Variants in PCDHA11 observed in about 807,000 individuals in gnomAD.
The protein encoded by PCDHA11 is protocadherin alpha 11.
A neutral mutation model predicts 70.3 loss-of-function variants in PCDHA11; 61 were observed. The observed-to-expected ratio is 0.87, with a 90% CI of 0.71 to 1.07. The LOEUF (loss-of-function observed/expected upper bound fraction) is 1.07, where lower values mean the gene tolerates loss of function less well. PCDHA11 is among the 50% of genes least tolerant of loss of function. The probability of loss-of-function intolerance (pLI) is 0.00; values close to 1 mark genes in which losing one functional copy is unlikely to be tolerated. For missense variants in PCDHA11, 1,324 were observed against 1,237.5 expected, an observed-to-expected ratio of 1.07 and a Z score of -1.05; for synonymous variants, 633 against 555.1, an observed-to-expected ratio of 1.14 and a Z score of -1.97.
intron 1 of PCDHA11, chr5:140,877,601 T>A (rs2057236715): frequency 6.2e-7 from 1 of 1,613,744 alleles, no homozygotes; most frequent in Non-Finnish European, 8.5e-7. Flanking sequence ...GTGTCCAGCC[T>A]GCTGGTGCTC....
chr5:140,972,660 ATTTT>A (rs11350929), intron 1 of PCDHA11, among the ~76,000 whole-genome samples: 1 of 117,264 alleles, frequency 8.5e-6, no homozygotes. Flanking sequence ...AAGAAACCAA[ATTTT>A]TTTTTTTTTT....
chr5:140,877,193 G>T, intron 1 of PCDHA11: 1 of 1,613,832 alleles, frequency 6.2e-7, no homozygotes, highest in Non-Finnish European at 8.5e-7. Flanking sequence ...GGCAGCGCAG[G>T]AGGCGCAGTT....
chr5:141,002,877 A>G (rs989540490), intron 3 of PCDHA11, among the ~76,000 whole-genome samples: 1 of 152,252 alleles, frequency 6.6e-6, no homozygotes, highest in Non-Finnish European at 1.5e-5. Context: ...CCTCAAGAAC[A>G]GAAAGAGAAC....
intron 1 of PCDHA11, chr5:140,875,208 C>A: frequency 1.5e-6 from 1 of 668,546 alleles, no homozygotes; most frequent in Non-Finnish European, 2.2e-6. Flanking sequence ...GTGGCTAAAC[C>A]GAAAAGAACC....
intron 3 of PCDHA11, among the ~76,000 whole-genome samples, chr5:140,985,402 C>T (rs1554247027): frequency 6.6e-6 from 1 of 152,118 alleles, no homozygotes; most frequent in African/African-American, 2.4e-5. Context: ...CAACTGTTCC[C>T]CTGGAAATGG....
chr5:140,884,721 T>C, intron 1 of PCDHA11: 1 of 1,464,684 alleles, frequency 6.8e-7, no homozygotes, highest in South Asian at 1.5e-5. Flanking sequence ...TTGCAGTTGT[T>C]TGTTTAAGAC....
chr5:140,949,335 C>T (rs1388078558), intron 1 of PCDHA11, among the ~76,000 whole-genome samples: 1 of 151,586 alleles, frequency 6.6e-6, no homozygotes, highest in Non-Finnish European at 1.5e-5. Flanking sequence ...TATTGTTATC[C>T]AGATTTTCTG....
At chr5:140,969,610 GA>G in intron 1 of PCDHA11, 1 of 723,542 alleles carries the variant, frequency 1.4e-6, no homozygotes, top group East Asian at 2.8e-5. Context: ...CTAAAACACA[GA>G]TTTGTAGAGA....
chr5:140,908,490 G>T (rs149646315), intron 1 of PCDHA11, among the ~76,000 whole-genome samples: 3,582 of 152,250 alleles, frequency 0.024, 49 homozygotes, highest in Middle Eastern at 0.034. Flanking sequence ...GGCAGTTCAG[G>T]TTGCTTGGTG....
chr5:140,928,411 A>G, intron 1 of PCDHA11: 2 of 1,614,066 alleles, frequency 1.2e-6, no homozygotes, highest in Non-Finnish European at 1.7e-6. Context: ...CAGTGGGGCC[A>G]TCACTGCCAA....
chr5:140,918,387 C>A (rs1554198606), intron 1 of PCDHA11, among the ~76,000 whole-genome samples: 1 of 152,142 alleles, frequency 6.6e-6, no homozygotes, highest in Non-Finnish European at 1.5e-5. Context: ...TTATTTCTTT[C>A]TCTTGCCTGA....
chr5:140,920,118 T>A (rs1196076867), intron 1 of PCDHA11, among the ~76,000 whole-genome samples: 1 of 152,164 alleles, frequency 6.6e-6, no homozygotes, highest in Non-Finnish European at 1.5e-5. Context: ...CTTGCCAACA[T>A]CTTGAGTTTT....
chr5:140,962,708 A>G (rs982426662), intron 1 of PCDHA11, among the ~76,000 whole-genome samples: 1 of 152,240 alleles, frequency 6.6e-6, no homozygotes, highest in African/African-American at 2.4e-5. Context: ...CTATAATCAT[A>G]TTGGAAAGTA....
At chr5:140,922,927 T>C (rs1257564815) in intron 1 of PCDHA11, among the ~76,000 whole-genome samples, 1 of 152,214 alleles carries the variant, frequency 6.6e-6, no homozygotes, top group Non-Finnish European at 1.5e-5. Flanking sequence ...TTCAGACTTT[T>C]ACTTCCAGCA....
At chr5:140,941,195 C>T (rs1337267572) in intron 1 of PCDHA11, among the ~76,000 whole-genome samples, 39 of 106,424 alleles carry the variant, frequency 3.7e-4, no homozygotes, top group Non-Finnish European at 4.9e-4. Context: ...CTTTTTTTTT[C>T]TTTCTTCCTT....
Position 140,975,977 on chromosome 5 carries a change from TA to T in PCDHA11, c.2392-2971del, listed in dbSNP as rs781900191. ...GTTCTTCACCAATAGAAAGTAAGCATAGTCCTGGGAGGTACCATCTAAGTAT... is the reference window on the plus strand; with the variant it reads ...GTTCTTCACCAATAGAAAGTAAGCATGTCCTGGGAGGTACCATCTAAGTAT... On this transcript the variant is annotated intron_variant, in intron 1 of 3. Coordinates refer to ENST00000398640, the MANE Select transcript of PCDHA11 (RefSeq NM_018902.5). Among the ~76,000 whole-genome samples, 17 of 152,284 alleles carry T rather than the reference TA, an allele frequency of 1.1e-4. 1 individual carries two copies. The highest frequency in any genetic ancestry group is 1.8e-4 in the Non-Finnish European group (12 of 68,014).
chr5:140,869,669 T>C lies in PCDHA11; in HGVS notation c.566T>C (p.Ile189Thr), dbSNP rs1461591468. ...GATTCACCAACAAATGGTAAGCAGATTAAAAGACTGTCACTTATTTTAAAG... is the reference window on the plus strand; with the variant it reads ...GATTCACCAACAAATGGTAAGCAGACTAAAAGACTGTCACTTATTTTAAAG... ...SLDSPTNGKQIKRLSLILKKS... is the reference protein window; with the variant it reads ...SLDSPTNGKQTKRLSLILKKS... The change falls in exon 1 of 4, where the codon ATT (isoleucine) becomes ACT (threonine). Residue 189 changes from isoleucine (I) to threonine (T), a missense_variant. Transcript: ENST00000398640. The C allele has an allele frequency of 3.0e-5, 49 of 1,613,358 alleles. No homozygotes were observed. The highest frequency in any genetic ancestry group is 4.1e-5 in the Non-Finnish European group (48 of 1,179,884).
chr5:140,937,560 T>A (rs933672983), intron 1 of PCDHA11, among the ~76,000 whole-genome samples: 1 of 152,060 alleles, frequency 6.6e-6, no homozygotes, highest in Non-Finnish European at 1.5e-5. Flanking sequence ...GAGGTTGCAG[T>A]GAGCTGGGAT....
rs1554262759 is a variant in PCDHA11 at position 141,010,215 on chromosome 5, G to A, written c.*278G>A. ...CCTTTCTCCTCCGCCGCAAAGGAGA[G>A]GCTTCCCAGCCCCGCCAGTGAGAGG... On this transcript the variant is annotated 3_prime_UTR_variant, in exon 4 of 4. Transcript: ENST00000398640. The A allele has an allele frequency of 6.4e-7, 1 of 1,551,774 alleles. No homozygotes were observed. Among genetic ancestry groups the A allele is most frequent in the East Asian group, 2.4e-5 (1 of 40,918 alleles).
Sources: gnomAD v4.1 joint callset for allele counts (sites outside exome capture counted in the v4.1 genomes callset) on GRCh38, gnomAD v4.1.1 for gene constraint, MANE v1.5 for transcripts, NCBI Gene and HGNC (gene_info 2026-07-23, HGNC 2026-07-21) for gene names.